DPP6: variants seen among roughly 807,000 people sequenced by gnomAD.
The protein encoded by DPP6 is dipeptidyl peptidase like 6.
In DPP6, 69 loss-of-function variants were observed where a neutral mutation model predicts 122.6. That is an observed-to-expected ratio of 0.56 (90% CI 0.46 to 0.69). DPP6 has a LOEUF of 0.69. DPP6 is among the 30% of genes least tolerant of loss of function. DPP6 has a pLI of 0.00. For synonymous variants in DPP6, 418 were observed against 433.1 expected (o/e 0.97, Z 0.43); for missense variants, 928 against 1,116.9 (o/e 0.83, Z 2.41).
intron 16 of DPP6, among the ~76,000 whole-genome samples, chr7:154,843,959 T>C (rs1801761436): frequency 6.6e-6 from 1 of 152,244 alleles, no homozygotes; most frequent in South Asian, 2.1e-4. Context: ...TTTCTGTCTG[T>C]TTCCCCAGCA....
upstream of DPP6, among the ~76,000 whole-genome samples, chr7:154,051,888 G>GCGGTGACTCTC (rs1201493027): frequency 6.6e-6 from 1 of 151,438 alleles, no homozygotes; most frequent in African/African-American, 2.4e-5. Context: ...CGACCACCCC[G>GCGGTGACTCTC]CGCCCTCCTG....
At chr7:154,082,421 G>A (rs1218786110) in intron 1 of DPP6, among the ~76,000 whole-genome samples, 1 of 152,170 alleles carries the variant, frequency 6.6e-6, no homozygotes, top group Non-Finnish European at 1.5e-5. Flanking sequence ...AGAGGATGGA[G>A]AGGAAAGCGT....
chr7:154,724,885 C>T (rs949588165), intron 7 of DPP6, among the ~76,000 whole-genome samples: 1 of 152,178 alleles, frequency 6.6e-6, no homozygotes, highest in Non-Finnish European at 1.5e-5. Context: ...ATACTTAATG[C>T]ACTGAACTGG....
At chr7:153,871,333 C>G in the DPP6 span, among the ~76,000 whole-genome samples, 158 of 152,326 alleles carry the variant, frequency 1.0e-3, no homozygotes, top group Admixed American at 9.7e-3. Context: ...TGTTTACCTA[C>G]TCAAGCCTTG....
At chr7:154,038,310 G>A (rs1333002175) in intron 1 of DPP6, 1 of 77,784 alleles carries the variant, frequency 1.3e-5, no homozygotes, top group East Asian at 4.2e-4. Context: ...GTATCCAGCA[G>A]TACAGCCTGT....
rs2151289816 is a variant in DPP6, at chr7:154,446,333, T to C, written c.358+5T>C. The C allele has an allele frequency of 1.3e-6, 2 of 1,599,184 alleles. No individual in the cohort carries two copies. Among genetic ancestry groups the C allele is most frequent in the East Asian group, 2.2e-5 (1 of 44,518 alleles). ...CGGTCATACTTCTGACACCAGGTAC[T>C]GTATTCATTCTTGGAAAAGCAAGTC... On this transcript the variant is annotated splice_donor_5th_base_variant and intron_variant, in intron 2 of 25. Coordinates refer to ENST00000377770, the MANE Select transcript of DPP6 (RefSeq NM_130797.4).
the DPP6 span, among the ~76,000 whole-genome samples, chr7:153,788,662 CAT>C: frequency 3.0e-4 from 45 of 152,104 alleles, no homozygotes; most frequent in Non-Finnish European, 6.0e-4. Flanking sequence ...GGTCTCAACT[CAT>C]ATTAAAAATG....
intron 11 of DPP6, among the ~76,000 whole-genome samples, chr7:154,794,647 T>C (rs1277776912): frequency 1.3e-5 from 2 of 152,158 alleles, no homozygotes; most frequent in African/African-American, 2.4e-5. Context: ...GCCAGCCATG[T>C]TTCTAGGAGT....
chr7:153,962,634 C>T (rs552063452), intron 1 of DPP6, among the ~76,000 whole-genome samples: 3 of 152,108 alleles, frequency 2.0e-5, no homozygotes, highest in South Asian at 2.1e-4. Context: ...CACAGAGACC[C>T]GATGCTCAGG....
chr7:154,728,867 T>C (rs1347299561), intron 8 of DPP6, among the ~76,000 whole-genome samples: 7 of 152,146 alleles, frequency 4.6e-5, no homozygotes, highest in African/African-American at 1.4e-4. Context: ...TTTTATCTCT[T>C]TATAAGGGCA....
chr7:154,612,969 C>T (rs1402278316), intron 5 of DPP6, among the ~76,000 whole-genome samples: 2 of 152,152 alleles, frequency 1.3e-5, no homozygotes, highest in Admixed American at 1.3e-4. Flanking sequence ...TGGCATGGTC[C>T]ATTTCTGGTG....
intron 1 of DPP6, among the ~76,000 whole-genome samples, chr7:153,986,598 G>A (rs1259711792): frequency 2.0e-5 from 3 of 152,210 alleles, no homozygotes; most frequent in East Asian, 1.9e-4. Flanking sequence ...CTGGGATTGA[G>A]CGTGATTTCT....
At chr7:154,160,058 C>T (rs188177468) in intron 1 of DPP6, among the ~76,000 whole-genome samples, 1 of 152,126 alleles carries the variant, frequency 6.6e-6, no homozygotes, top group Admixed American at 6.5e-5. Flanking sequence ...GGCAGTGAGC[C>T]CTGATCATAC....
At chr7:153,974,474 G>A (rs2628912) in intron 1 of DPP6, among the ~76,000 whole-genome samples, 101,633 of 151,868 alleles carry the variant, frequency 0.67, 35,138 homozygotes, top group Non-Finnish European at 0.77. Context: ...AGAGCCTGCA[G>A]TCCCTTTCCT....
chr7:154,324,721 G>T (rs917179841), intron 1 of DPP6, among the ~76,000 whole-genome samples: 3 of 152,168 alleles, frequency 2.0e-5, no homozygotes, highest in Non-Finnish European at 4.4e-5. Context: ...TGGAAACCGT[G>T]ATGCTAGCTG....
chr7:154,208,207 A>G (rs905110617), intron 1 of DPP6, among the ~76,000 whole-genome samples: 1 of 152,234 alleles, frequency 6.6e-6, no homozygotes, highest in African/African-American at 2.4e-5. Context: ...TGGACCCCAT[A>G]ATATCAAAAA....
In DPP6 at chr7:154,305,195, C is replaced by G. The variant is rs893446043; in HGVS notation, c.244-141019C>G. The G allele has an allele frequency of 1.0e-5, 11 of 1,058,998 alleles. No homozygotes were observed. In the South Asian group the frequency reaches 4.6e-4, roughly 44 times the overall value. 65.6% of individuals were successfully genotyped at this position (1,058,998 alleles called of 1,614,324 possible). A position where few individuals can be genotyped will look rare whatever the true frequency, so the allele number is the denominator to read the frequency against. ...CTTCCTGCACCCAGCCGCCACTTGC[C>G]GGTTGCTAAGCAGTTATCATTGTTT... On this transcript the variant is annotated intron_variant, in intron 1 of 25. Transcript: ENST00000377770.
intron 1 of DPP6, among the ~76,000 whole-genome samples, chr7:154,443,642 G>A (rs1345442887): frequency 6.8e-6 from 1 of 147,282 alleles, no homozygotes; most frequent in East Asian, 2.0e-4. Context: ...GTGGATGGAT[G>A]GATGGATGTG....
At chr7:153,851,486 C>T in the DPP6 span, among the ~76,000 whole-genome samples, 17 of 152,264 alleles carry the variant, frequency 1.1e-4, 1 homozygote, top group Admixed American at 9.8e-4. Context: ...GTCTAACCTA[C>T]TCCATATGCC....
Sources: allele counts gnomAD v4.1 joint callset (sites outside exome capture counted in the v4.1 genomes callset), GRCh38; gene constraint gnomAD v4.1.1; transcripts MANE v1.5; gene names NCBI Gene and HGNC (gene_info 2026-07-23, HGNC 2026-07-21).